PAK3: variants seen among roughly 807,000 people sequenced by gnomAD.
PAK3 encodes serine/threonine-protein kinase PAK 3.
In PAK3, 4 loss-of-function variants were observed where a neutral mutation model predicts 41.0. That is an observed-to-expected ratio of 0.10 (90% CI 0.05 to 0.22). The LOEUF (loss-of-function observed/expected upper bound fraction) is 0.22. PAK3 is among the 10% of genes least tolerant of loss of function. The pLI, the probability that PAK3 is intolerant of heterozygous loss-of-function variation, is 1.00. For synonymous variants in PAK3, 146 were observed against 139.6 expected (o/e 1.05, Z -0.32); for missense variants, 205 against 409.9 (o/e 0.50, Z 4.32).
In PAK3 at chrX:111,098,407, GAAGAA is replaced by G. The variant is rs1457989287; in HGVS notation, c.-176+727_-176+731del. On this transcript the variant is annotated intron_variant, in intron 3 of 17. Coordinates refer to ENST00000372007, the MANE Select transcript of PAK3 (RefSeq NM_002578.5). ...GGCAGGAGCAAACTAGAGAGAGAGA[GAAGAA>G]AAGTCGTGGCCTTACCAACAACCCA... is the stretch of plus-strand genomic sequence containing the variant. 7 of 110,715 alleles carry G rather than the reference GAAGAA, an allele frequency of 6.3e-5. No homozygotes were observed. In the Admixed American group the frequency reaches 6.7e-4, roughly 11 times the overall value. 9.1% of individuals were successfully genotyped at this position (110,715 alleles called of 1,213,427 possible).
intron 1 of PAK3, among the ~76,000 whole-genome samples, chrX:110,999,867 G>C (rs2091816976): frequency 9.0e-6 from 1 of 110,633 alleles, no homozygotes; most frequent in Non-Finnish European, 1.9e-5. Context: ...CCAGCTACTT[G>C]GGAGGCACGA....
At chrX:111,163,873 C>T in intron 10 of PAK3, 146 bp downstream of exon 10, 2 of 503,746 alleles carry the variant, frequency 4.0e-6, no homozygotes, top group South Asian at 5.7e-5. Flanking sequence ...TTGAGACTCA[C>T]TGCATATGCC....
intron 1 of PAK3, among the ~76,000 whole-genome samples, 170 bp from the exon 2 acceptor site, chrX:111,097,220 C>T (rs1222964837): frequency 1.2e-5 from 1 of 80,786 alleles, no homozygotes; most frequent in African/African-American, 5.1e-5. Context: ...TACTGCCGCA[C>T]TTTTGGGTGA....
At chrX:111,219,235 T>TAATAAC (rs1380610093) in intron 17 of PAK3, among the ~76,000 whole-genome samples, 5 of 102,431 alleles carry the variant, frequency 4.9e-5, no homozygotes, top group Non-Finnish European at 2.0e-5. Context: ...ATAATAATAA[T>TAATAAC]AAGCAAGAGA....
At chrX:111,178,980 T>TATATATATATAGAGAGAGAGAGAG (rs1211051270) in intron 11 of PAK3, among the ~76,000 whole-genome samples, 1 of 91,613 alleles carries the variant, frequency 1.1e-5, no homozygotes, top group Non-Finnish European at 2.1e-5. Flanking sequence ...TATATATATA[T>TATATATATATAGAGAGAGAGAGAG]AGAGAGAGAG....
chrX:111,076,056 G>C (rs940000786), intron 1 of PAK3, among the ~76,000 whole-genome samples: 1 of 112,305 alleles, frequency 8.9e-6, no homozygotes, highest in African/African-American at 3.2e-5. Flanking sequence ...TTGTACCTTG[G>C]GAGTGAATAA....
At position 111,220,568 on chromosome X, in the gene PAK3, A is replaced by G. The variant is rs2094920250; in HGVS notation, c.*121A>G. On this transcript the variant is annotated 3_prime_UTR_variant, in exon 18 of 18. Coordinates refer to ENST00000372007, the MANE Select transcript of PAK3 (RefSeq NM_002578.5). ...TGGGGGTTCTTTACCTTTCAAATGA[A>G]TAGAAACTTCTTATAAGCCTTTTTC... is the stretch of plus-strand genomic sequence containing the variant. 5.9e-5 allele frequency: 31 copies of G among 522,936 alleles called. No homozygotes were observed. In the South Asian group the frequency reaches 7.5e-4, roughly 13 times the overall value. The allele number at this position is 522,936 out of a possible 1,213,427, so 43.1% of individuals were successfully genotyped here.
chrX:110,944,640 G>A (rs1335994655), intron 1 of PAK3: 2 of 112,503 alleles, frequency 1.8e-5, no homozygotes, highest in Non-Finnish European at 3.8e-5. Flanking sequence ...TCTGTGCAGG[G>A]GGGGCGCTTT....
intron 1 of PAK3, among the ~76,000 whole-genome samples, chrX:111,049,103 G>A (rs1251025984): frequency 9.0e-6 from 1 of 111,347 alleles, no homozygotes; most frequent in African/African-American, 3.3e-5. Context: ...TAAGGCCTCT[G>A]CACTGCTCTT....
At chrX:111,077,076 A>T (rs2092792165) in intron 1 of PAK3, among the ~76,000 whole-genome samples, 2 of 111,790 alleles carry the variant, frequency 1.8e-5, no homozygotes, top group South Asian at 7.4e-4. Context: ...AACAAATAAG[A>T]TATACTATTT....
intron 1 of PAK3, among the ~76,000 whole-genome samples, chrX:111,009,896 T>C (rs1439576769): frequency 8.9e-6 from 1 of 112,184 alleles, no homozygotes; most frequent in East Asian, 2.8e-4. Context: ...ACAGAGCCAA[T>C]GGCTGATTTG....
chrX:111,152,823 G>T (rs1241237443), intron 8 of PAK3: 3 of 127,979 alleles, frequency 2.3e-5, no homozygotes, highest in Non-Finnish European at 4.8e-5. Context: ...TGTGACTTTT[G>T]AGGATTGGCT....
At chrX:111,166,884 T>C (rs2094262520) in intron 10 of PAK3, among the ~76,000 whole-genome samples, 1 of 111,540 alleles carries the variant, frequency 9.0e-6, no homozygotes, top group Non-Finnish European at 1.9e-5. Context: ...ATACAATGGG[T>C]CAAGCTTTGA....
intron 1 of PAK3, among the ~76,000 whole-genome samples, chrX:111,078,474 G>A (rs1267375107): frequency 9.1e-6 from 1 of 110,097 alleles, no homozygotes; most frequent in African/African-American, 3.3e-5. Flanking sequence ...TTGTTTTGAG[G>A]CACCATGAAC....
Position 111,031,834 on chromosome X carries a change from G to A in PAK3, c.-28+87206G>A, listed in dbSNP as rs770881638. ...CTAACTGAAAGTTAGCTTTTCCCTC[G>A]ATTACCAATGTAGGCAACAAACAAC... On this transcript the variant is annotated intron_variant, in intron 1 of 14. Coordinates refer to the PAK3 transcript ENST00000425146. Among the ~76,000 whole-genome samples, 19 of 111,511 alleles carry A rather than the reference G, an allele frequency of 1.7e-4. No homozygotes were observed. The East Asian group carries it at 4.3e-3, about 25-fold the overall frequency.
intron 1 of PAK3, among the ~76,000 whole-genome samples, chrX:111,024,277 G>A (rs1010248603): frequency 9.9e-5 from 11 of 111,660 alleles, no homozygotes; most frequent in Admixed American, 1.9e-4. Flanking sequence ...ACAGGACCAT[G>A]CTGTTTTGGT....
intron 1 of PAK3, among the ~76,000 whole-genome samples, chrX:110,952,352 A>C (rs1210810700): frequency 9.0e-6 from 1 of 111,393 alleles, no homozygotes; most frequent in Non-Finnish European, 1.9e-5. Context: ...GGAAACATGA[A>C]AAAGTGGTGA....
chrX:111,176,965 CAA>C lies in PAK3; in HGVS notation c.830+3899_830+3900del, dbSNP rs67321349. 9.1e-3 allele frequency among the ~76,000 whole-genome samples: 812 copies of C among 89,623 alleles called. 12 individuals are homozygous for C. Among genetic ancestry groups the C allele is most frequent in the African/African-American group, 0.03 (760 of 24,941 alleles). 77.8% of individuals were successfully genotyped at this position (89,623 alleles called of 115,157 possible). On this transcript the variant is annotated intron_variant, in intron 11 of 17. Coordinates refer to ENST00000372007, the MANE Select transcript of PAK3 (RefSeq NM_002578.5). ...AATATTGACTTTTTTCTTTCTGGAC[CAA>C]AAAAAAAAAAAAAACCCACCTCCCA...
At chrX:111,146,523 A>G in intron 6 of PAK3, 1 of 1,134,013 alleles carries the variant, frequency 8.8e-7, no homozygotes, top group Non-Finnish European at 1.2e-6. Context: ...CATTACAGCC[A>G]GATCTCTATG....
Sources: gnomAD v4.1 joint callset for allele counts (sites outside exome capture counted in the v4.1 genomes callset) on GRCh38, gnomAD v4.1.1 for gene constraint, MANE v1.5 for transcripts, NCBI Gene and HGNC (gene_info 2026-07-23, HGNC 2026-07-21) for gene names.